TMEM39A: variants seen among roughly 807,000 people sequenced by gnomAD.
The protein encoded by TMEM39A is suppressor of SQST-1 aggregates in rpl-43 mutants.
TMEM39A carries 19 observed loss-of-function variants against 51.9 expected under a neutral mutation model. The observed-to-expected ratio is 0.37, with a 90% confidence interval of 0.26 to 0.54. The LOEUF (loss-of-function observed/expected upper bound fraction) is 0.54. TMEM39A is among the 20% of genes least tolerant of loss of function. The pLI, the probability that TMEM39A is intolerant of heterozygous loss-of-function variation, is 0.88. For missense variants in TMEM39A, 433 were observed against 590.5 expected (o/e 0.73, Z 2.76); for synonymous variants, 197 against 220.2 (o/e 0.89, Z 0.93).
intron 1 of TMEM39A, 147 bp downstream of exon 1, chr3:119,463,189 G>A (rs2081362805): frequency 5.9e-6 from 1 of 168,864 alleles, no homozygotes; most frequent in African/African-American, 2.4e-5. Context: ...ATGCGGTGTG[G>A]TGGACTGCAG....
intron 1 of TMEM39A, among the ~76,000 whole-genome samples, chr3:119,462,535 T>G (rs1416243951): frequency 2.0e-5 from 3 of 151,408 alleles, no homozygotes; most frequent in African/African-American, 7.3e-5. Context: ...GGTTTTGTTA[T>G]CAAGGGATAT....
chr3:119,451,130 T>C (rs1235022477), intron 4 of TMEM39A: 13 of 633,112 alleles, frequency 2.1e-5, no homozygotes, highest in Non-Finnish European at 2.3e-5. Context: ...AGTTTCTATT[T>C]CCATCCTCTA....
intron 5 of TMEM39A, among the ~76,000 whole-genome samples, chr3:119,442,067 G>A (rs2081060639): frequency 6.6e-6 from 1 of 152,210 alleles, no homozygotes; most frequent in South Asian, 2.1e-4. Flanking sequence ...ACGGCTGGGT[G>A]CGGTGGCTCA....
At chr3:119,451,363 G>C (rs1246929915) in intron 4 of TMEM39A, 1 of 1,111,702 alleles carries the variant, frequency 9.0e-7, no homozygotes, top group Admixed American at 2.3e-5. Flanking sequence ...TCAATTATTT[G>C]TGATTATAGT....
At chr3:119,454,671 T>A (rs1375482830) in intron 3 of TMEM39A, among the ~76,000 whole-genome samples, 1 of 151,974 alleles carries the variant, frequency 6.6e-6, no homozygotes, top group Admixed American at 6.6e-5. Context: ...ATGCCTGTAA[T>A]CCCAGCTACT....
At position 119,437,767 on chromosome 3, in the gene TMEM39A, CAG is replaced by C. The variant is rs758513413; in HGVS notation, c.910_911del (p.Leu304ValfsTer10). The C allele has an allele frequency of 1.3e-6, 2 of 1,545,042 alleles. No individual in the cohort carries two copies. Among genetic ancestry groups the C allele is most frequent in the South Asian group, 1.2e-5 (1 of 81,526 alleles). On this transcript the variant is annotated frameshift_variant, in exon 6 of 9. Coordinates refer to ENST00000319172, the MANE Select transcript of TMEM39A (RefSeq NM_018266.3). LOFTEE classifies it high-confidence loss of function. ...GATAACCACTTACCTTCACAAAACA[CAG>C]GGGGAGAAATGCAACATAGTAGGCA... ...FSAYYVAFLP[L>X]CFVKSTQYYD...
Position 119,462,015 on chromosome 3 carries a change from A to C in TMEM39A, c.60T>G (p.Ser20=). The C allele has an allele frequency of 1.2e-6, 2 of 1,614,146 alleles. No homozygotes were observed. The highest frequency in any genetic ancestry group is 1.7e-6 in the Non-Finnish European group (2 of 1,180,020). The change falls in exon 2 of 9, where the codon TCT becomes TCG. Residue 20 remains serine (S), a synonymous_variant. Transcript: ENST00000319172. The part of the protein sequence containing the change: ...RQQLSRSALP[S]LQTLVGGGCG... Reference sequence around the variant, plus strand: ...AGCCTCCACCAACCAAAGTCTGCAAAGAAGGTAAAGCTGAACGGCTTAGCT... The same window carrying C: ...AGCCTCCACCAACCAAAGTCTGCAACGAAGGTAAAGCTGAACGGCTTAGCT...
chr3:119,441,493 C>CCTAA lies in TMEM39A; in HGVS notation c.576-3394_576-3391dup, dbSNP rs530363791. 1.5e-3 allele frequency among the ~76,000 whole-genome samples: 232 copies of CCTAA among 152,284 alleles called. 1 individual carries two copies. The highest frequency in any genetic ancestry group is 5.3e-3 in the African/African-American group (219 of 41,546). On this transcript the variant is annotated intron_variant, in intron 5 of 8. Coordinates refer to ENST00000319172, the MANE Select transcript of TMEM39A (RefSeq NM_018266.3). ...ACCAAAGCCTAATCCAGAGCAAAGC[C>CCTAA]CTAACTCTTTTTAAGTCTATGAACC...
At chr3:119,447,341 T>C (rs571477499) in intron 4 of TMEM39A, among the ~76,000 whole-genome samples, 169 bp from the exon 5 acceptor site, 2 of 152,306 alleles carry the variant, frequency 1.3e-5, no homozygotes, top group South Asian at 4.2e-4. Flanking sequence ...TAATTGAAAA[T>C]TCAGACTTCT....
intron 8 of TMEM39A, among the ~76,000 whole-genome samples, chr3:119,433,984 G>A (rs1424728971): frequency 6.6e-6 from 1 of 152,200 alleles, no homozygotes; most frequent in Non-Finnish European, 1.5e-5. Flanking sequence ...GGGAGAAAGA[G>A]ATGCAAGTAT....
chr3:119,463,089 C>T (rs2081361717), intron 1 of TMEM39A, among the ~76,000 whole-genome samples: 1 of 152,222 alleles, frequency 6.6e-6, no homozygotes, highest in Admixed American at 6.5e-5. Flanking sequence ...ATTCAAACCG[C>T]TGGATGCAGG....
intron 1 of TMEM39A, among the ~76,000 whole-genome samples, chr3:119,462,633 A>AAGGGGGGG (rs1553773878): frequency 8.9e-4 from 2 of 2,258 alleles, no homozygotes; most frequent in Admixed American, 4.7e-3. Context: ...TGTTTCTTCA[A>AAGGGGGGG]GGGGGGGGGG....
chr3:119,450,218 C>T (rs562672815), intron 4 of TMEM39A, among the ~76,000 whole-genome samples: 1 of 152,194 alleles, frequency 6.6e-6, no homozygotes, highest in African/African-American at 2.4e-5. Context: ...TGTCTCCTAG[C>T]CACCAACTGT....
At chr3:119,463,232 G>A in intron 1 of TMEM39A, 104 bp downstream of exon 1, 1 of 205,920 alleles carries the variant, frequency 4.9e-6, no homozygotes, top group Non-Finnish European at 9.6e-6. Context: ...TGGTCCCTAA[G>A]AGAAGTCGGC....
At chr3:119,451,508 T>C (rs145371791) in intron 4 of TMEM39A, among the ~76,000 whole-genome samples, 1 of 152,324 alleles carries the variant, frequency 6.6e-6, no homozygotes, top group Non-Finnish European at 1.5e-5. Context: ...AGAAAGCACA[T>C]TTCCCTGCCT....
intron 4 of TMEM39A, among the ~76,000 whole-genome samples, chr3:119,450,691 G>A (rs1447399425): frequency 1.3e-5 from 2 of 151,662 alleles, no homozygotes; most frequent in African/African-American, 4.8e-5. Context: ...GTATGGTCGT[G>A]GGCGCCTGCA....
At chr3:119,434,630 C>G in intron 8 of TMEM39A, 132 bp downstream of exon 8, 2 of 1,330,384 alleles carry the variant, frequency 1.5e-6, no homozygotes, top group Non-Finnish European at 2.1e-6. Context: ...ACCACTGTTA[C>G]GCTAGTAGCA....
rs2107654957 is a variant in TMEM39A, at chr3:119,431,399, AG to A, written c.*581del. 1 of 152,312 alleles carries A rather than the reference AG, an allele frequency of 6.6e-6. No individual in the cohort carries two copies. Among genetic ancestry groups the A allele is most frequent in the East Asian group, 1.9e-4 (1 of 5,194 alleles). 9.4% of individuals were successfully genotyped at this position (152,312 alleles called of 1,614,324 possible). The stretch of plus-strand genomic sequence containing the variant: ...GCCTCAGGATAGTAGCTTATTCAAA[AG>A]TATATTTAAATGTCACAGGGTAAAA... On this transcript the variant is annotated 3_prime_UTR_variant, in exon 9 of 9. Transcript: ENST00000319172.
chr3:119,447,604 T>C (rs915299020), intron 4 of TMEM39A, among the ~76,000 whole-genome samples: 1 of 151,956 alleles, frequency 6.6e-6, no homozygotes, highest in Non-Finnish European at 1.5e-5. Flanking sequence ...ACCAGTGTTT[T>C]ATTTATTTAT....
Sources: gnomAD v4.1 joint callset for allele counts (sites outside exome capture counted in the v4.1 genomes callset) on GRCh38, gnomAD v4.1.1 for gene constraint, MANE v1.5 for transcripts, NCBI Gene and HGNC (gene_info 2026-07-23, HGNC 2026-07-21) for gene names.